ABR: variants seen among roughly 807,000 people sequenced by gnomAD.
The protein encoded by ABR is ABR activator of RhoGEF and GTPase.
ABR carries 35 observed loss-of-function variants against 107.2 expected under a neutral mutation model. The ratio of observed to expected loss-of-function variants is 0.33; its 90% CI spans 0.25 to 0.43. The LOEUF (loss-of-function observed/expected upper bound fraction) is 0.43. Among genes scored for constraint, ABR ranks in the 20% least tolerant of loss-of-function variants. The pLI is 1.00. For missense variants in ABR, 815 were observed against 1,115.2 expected (o/e 0.73, Z 3.83); for synonymous variants, 498 against 462.0 (o/e 1.08, Z -1.00).
At chr17:1,195,302 C>T (rs374148183) in intron 1 of ABR, among the ~76,000 whole-genome samples, 11,209 of 93,504 alleles carry the variant, frequency 0.12, 761 homozygotes, top group East Asian at 0.3. Flanking sequence ...ATGAGACTGT[C>T]TCAAAAAAAA....
chr17:1,096,852 G>C (rs1310469702), intron 3 of ABR, among the ~76,000 whole-genome samples: 1 of 146,044 alleles, frequency 6.8e-6, no homozygotes, highest in African/African-American at 2.5e-5. Flanking sequence ...CCCCAGGAGA[G>C]AGCTGGGGAA....
At chr17:1,008,420 T>G (rs1251896485) in intron 21 of ABR, among the ~76,000 whole-genome samples, 1 of 152,230 alleles carries the variant, frequency 6.6e-6, no homozygotes, top group Non-Finnish European at 1.5e-5. Flanking sequence ...CAGGCAGCTG[T>G]GCAGCGGGGC....
At position 1,060,284 on chromosome 17, in the gene ABR, C is replaced by T. The variant is rs141062401; in HGVS notation, c.1183-1417G>A. On this transcript the variant is annotated intron_variant, in intron 10 of 22. Transcript: ENST00000302538. ...AAACTACCGGGCGTGGTGGCGGGCG[C>T]CTGTAATCCCAGCTACTCGGGAGGC... Among the ~76,000 whole-genome samples the T allele has an allele frequency of 4.9e-3, 748 of 152,162 alleles. 17 individuals carry two copies. In the East Asian group the frequency reaches 0.083, roughly 17 times the overall value.
rs7213523 is a variant in ABR, at chr17:1,070,202, G to T, written c.895-112C>A. 1.4e-6 allele frequency: 2 copies of T among 1,428,288 alleles called. No homozygotes were observed. The highest frequency in any genetic ancestry group is 2.0e-5 in the Admixed American group (1 of 50,224). 88.5% of individuals were successfully genotyped at this position (1,428,288 alleles called of 1,614,324 possible). On this transcript the variant is annotated intron_variant, in intron 8 of 22. Coordinates refer to ENST00000302538, the MANE Select transcript of ABR (RefSeq NM_021962.5). This position sits in a 1 kb window ranked among gnomAD's most constrained non-coding sequence, Gnocchi z 4.2. ...GAGGACTGGACCGAGAGGCGGCATA[G>T]CCTGTCATCCCTTAACCAAAGGTGG... is the stretch of plus-strand genomic sequence containing the variant.
At chr17:1,212,084 A>G (rs202068191) in intron 1 of ABR, among the ~76,000 whole-genome samples, 3 of 1,074 alleles carry the variant, frequency 2.8e-3, no homozygotes, top group Admixed American at 0.17. Flanking sequence ...CCCCATCTCG[A>G]AAAAAAAAAA....
rs980820693 is a variant in ABR, at chr17:1,092,854, G to A, written c.346-1004C>T. On this transcript the variant is annotated intron_variant, in intron 3 of 22. Transcript: ENST00000302538. The surrounding 1 kb of genome is among the most constrained non-coding windows in gnomAD (Gnocchi z 4.6). ...GTCGAATTCTTTTTTTTTTGGAGAC[G>A]GAGTCTCGCTCTGTCGCCCAGGCTG... is the stretch of plus-strand genomic sequence containing the variant. 2.0e-5 allele frequency among the ~76,000 whole-genome samples: 3 copies of A among 150,952 alleles called. No homozygotes were observed. The highest frequency in any genetic ancestry group is 3.0e-5 in the Non-Finnish European group (2 of 67,612).
rs564351360 is a variant in ABR at position 1,210,152 on chromosome 17, A to G, written c.838+18641T>C. On this transcript the variant is annotated intron_variant, in intron 1 of 22. Coordinates refer to the ABR transcript ENST00000574139. This position sits in a 1 kb window ranked among gnomAD's most constrained non-coding sequence, Gnocchi z 5.6. Reference sequence around the variant, plus strand: ...AGAGGTAGAAAGTAACAGAATCTAGAGAGGCGGAAGCTCAGCCCAGCTGTG... The same window carrying G: ...AGAGGTAGAAAGTAACAGAATCTAGGGAGGCGGAAGCTCAGCCCAGCTGTG... 6.6e-6 allele frequency among the ~76,000 whole-genome samples: 1 copy of G among 152,358 alleles called. No individual in the cohort carries two copies. Among genetic ancestry groups the G allele is most frequent in the South Asian group, 2.1e-4 (1 of 4,830 alleles).
chr17:1,183,769 G>A (rs942689409), upstream of ABR, among the ~76,000 whole-genome samples: 2 of 152,188 alleles, frequency 1.3e-5, no homozygotes, highest in Non-Finnish European at 2.9e-5. Context: ...GGGCCAGGCA[G>A]GGAGCCCCGG....
chr17:1,042,614 C>T (rs928512102), intron 16 of ABR, among the ~76,000 whole-genome samples: 8 of 151,372 alleles, frequency 5.3e-5, no homozygotes, highest in South Asian at 2.1e-4. Context: ...GACGAAGAGA[C>T]GTGGCACCTA....
chr17:1,068,013 A>T (rs2034896191), intron 9 of ABR, among the ~76,000 whole-genome samples: 1 of 152,074 alleles, frequency 6.6e-6, no homozygotes, highest in African/African-American at 2.4e-5. Context: ...ACTCACTCCA[A>T]CCTCTGCCTC....
rs183885022 is a variant in ABR at position 1,066,442 on chromosome 17, G to A, written c.1182+635C>T. Among the ~76,000 whole-genome samples, 251 of 152,108 alleles carry A rather than the reference G, an allele frequency of 1.7e-3. 2 individuals are homozygous for A. The highest frequency in any genetic ancestry group is 2.3e-3 in the Non-Finnish European group (158 of 67,998). On this transcript the variant is annotated intron_variant, in intron 10 of 22. Coordinates refer to ENST00000302538, the MANE Select transcript of ABR (RefSeq NM_021962.5). Reference sequence around the variant, plus strand: ...TTGCCTACTTGATCTGTCAGTTTCTGAGAGGCCTCCCAGGTCCTTTTCCTT... The same window carrying A: ...TTGCCTACTTGATCTGTCAGTTTCTAAGAGGCCTCCCAGGTCCTTTTCCTT...
rs368677155 is a variant in ABR at position 1,153,430 on chromosome 17, G to A, written c.61+26237C>T. ...GAGGGCTGGGGGTCCAGGCACACCT[G>A]CGGGAGGGCTGGGGGTCCAGGCACA... On this transcript the variant is annotated intron_variant, in intron 1 of 22. Transcript: ENST00000302538. Among the ~76,000 whole-genome samples, 708 of 131,504 alleles carry A rather than the reference G, an allele frequency of 5.4e-3. 9 individuals are homozygous for A. Among genetic ancestry groups the A allele is most frequent in the East Asian group, 7.2e-3 (30 of 4,176 alleles). 86.3% of individuals were successfully genotyped at this position (131,504 alleles called of 152,430 possible). A position where few individuals can be genotyped will look rare whatever the true frequency, so the allele number is the denominator to read the frequency against.
At position 1,209,860 on chromosome 17, in the gene ABR, AG is replaced by A. The variant is rs200005557; in HGVS notation, c.838+18932del. 3.3e-3 allele frequency among the ~76,000 whole-genome samples: 506 copies of A among 152,290 alleles called. 3 individuals carry two copies. The highest frequency in any genetic ancestry group is 0.011 in the African/African-American group (477 of 41,564). Reference sequence around the variant, plus strand: ...TAAATTTTCTGCAGCAATTCTTTTAAGCACTGGAAAAAGTTGCATTTATCAA... The same window carrying A: ...TAAATTTTCTGCAGCAATTCTTTTAACACTGGAAAAAGTTGCATTTATCAA... On this transcript the variant is annotated intron_variant, in intron 1 of 22. Coordinates refer to the ABR transcript ENST00000574139.
intron 1 of ABR, among the ~76,000 whole-genome samples, chr17:1,175,054 AT>A (rs1486390507): frequency 6.6e-6 from 1 of 152,218 alleles, no homozygotes; most frequent in Non-Finnish European, 1.5e-5. Context: ...AAATAAAAAA[AT>A]AACAAAGAGA....
intron 16 of ABR, chr17:1,031,976 C>G (rs1326817143): frequency 5.2e-6 from 4 of 767,740 alleles, no homozygotes; most frequent in South Asian, 6.5e-5. Flanking sequence ...GGCTGAGCGC[C>G]GCCTCCCAGG....
At chr17:1,195,377 T>C (rs1444302515) in intron 1 of ABR, among the ~76,000 whole-genome samples, 1 of 149,008 alleles carries the variant, frequency 6.7e-6, no homozygotes, top group Non-Finnish European at 1.5e-5. Flanking sequence ...ATTACAGGCG[T>C]GAGCCATCAG....
intron 1 of ABR, among the ~76,000 whole-genome samples, chr17:1,209,687 G>C (rs1392556433): frequency 6.6e-6 from 1 of 152,212 alleles, no homozygotes; most frequent in South Asian, 2.1e-4. Context: ...TGAAGTGGGT[G>C]GTGTTTTATT....
chr17:1,096,335 G>A (rs555811150), intron 3 of ABR, among the ~76,000 whole-genome samples: 23 of 152,290 alleles, frequency 1.5e-4, no homozygotes, highest in South Asian at 2.1e-4. Flanking sequence ...GGGGCAGAGC[G>A]GTGGGAATGG....
intron 1 of ABR, among the ~76,000 whole-genome samples, chr17:1,217,258 C>T (rs904916844): frequency 5.9e-5 from 9 of 152,174 alleles, no homozygotes; most frequent in African/African-American, 1.4e-4. Context: ...AGGCTGCAGC[C>T]GTGACGCGTC....
Sources: allele counts gnomAD v4.1 joint callset (sites outside exome capture counted in the v4.1 genomes callset), GRCh38; gene constraint gnomAD v4.1.1; non-coding constraint Gnocchi (gnomAD v3.1); transcripts MANE v1.5; gene names NCBI Gene and HGNC (gene_info 2026-07-23, HGNC 2026-07-21).